The following FAM193A variants were observed in gnomAD, a reference collection of about 807,000 sequenced individuals.
The protein encoded by FAM193A is protein FAM193A.
FAM193A carries 22 observed loss-of-function variants against 126.5 expected under a neutral mutation model. That is an observed-to-expected ratio of 0.17 (90% CI 0.12 to 0.25). The LOEUF (loss-of-function observed/expected upper bound fraction) is 0.25. Ranked by LOEUF, FAM193A falls within the 10% of genes least tolerant of loss-of-function variation. The pLI is 1.00. For synonymous variants in FAM193A, 761 were observed against 646.8 expected (o/e 1.18, Z -2.68); for missense variants, 1,675 against 1,672.8 (o/e 1.00, Z -0.02).
intron 12 of FAM193A, among the ~76,000 whole-genome samples, chr4:2,667,070 T>C (rs1713200643): frequency 6.6e-6 from 1 of 152,254 alleles, no homozygotes; most frequent in Non-Finnish European, 1.5e-5. Context: ...TTGAGACTTG[T>C]TGATGGCCTA....
In FAM193A at chr4:2,689,663, A is replaced by C; in HGVS notation, c.2489A>C (p.Lys830Thr). The stretch of plus-strand genomic sequence containing the variant: ...TGGGGATCAGAAGTGATGAATGATA[A>C]GAACTGGAATCCTGGCACTTTCTTG... ...SLWGSEVMNDKNWNPGTFLPD... is the reference protein window; with the variant it reads ...SLWGSEVMNDTNWNPGTFLPD... The change falls in exon 14 of 21, where the codon AAG becomes ACG. Residue 830 changes from lysine to threonine, a missense_variant. By Grantham distance (78) the Lys-to-Thr change is moderately conservative (BLOSUM62 -1). Coordinates refer to ENST00000637812, the MANE Select transcript of FAM193A (RefSeq NM_001366318.2). The C allele has an allele frequency of 1.9e-6, 3 of 1,575,472 alleles. No individual in the cohort carries two copies. The highest frequency in any genetic ancestry group is 2.6e-6 in the Non-Finnish European group (3 of 1,168,062).
At chr4:2,681,670 C>T (rs756653742) in intron 13 of FAM193A, among the ~76,000 whole-genome samples, 6 of 151,970 alleles carry the variant, frequency 3.9e-5, no homozygotes, top group Non-Finnish European at 8.8e-5. Flanking sequence ...CACCATGTTG[C>T]CCAGGTTGGT....
At chr4:2,652,038 A>G (rs568315056) in intron 7 of FAM193A, among the ~76,000 whole-genome samples, 25 of 152,284 alleles carry the variant, frequency 1.6e-4, no homozygotes, top group Admixed American at 1.6e-3. Flanking sequence ...GGTGACCATG[A>G]GGTCTCATCT....
rs1553912476 is a variant in FAM193A at position 2,699,446 on chromosome 4, C to CACACA, written c.3508-234_3508-233insACACA. On this transcript the variant is annotated intron_variant, in intron 18 of 20. Transcript: ENST00000637812. Reference sequence around the variant, plus strand: ...TTTTTGTTAACTACCACCCCCCCCCCCACACACACACACACAAATAAGTAA... The same window carrying CACACA: ...TTTTTGTTAACTACCACCCCCCCCCCACACACACACACACACACACAAATAAGTAA... 9.1e-4 allele frequency among the ~76,000 whole-genome samples: 94 copies of CACACA among 103,544 alleles called. 5 individuals are homozygous for CACACA. Among genetic ancestry groups the CACACA allele is most frequent in the African/African-American group, 3.0e-3 (85 of 28,690 alleles). 67.9% of individuals were successfully genotyped at this position (103,544 alleles called of 152,430 possible).
At chr4:2,728,276 A>C (rs1349752887) in intron 20 of FAM193A, among the ~76,000 whole-genome samples, 3 of 113,198 alleles carry the variant, frequency 2.7e-5, no homozygotes, top group Admixed American at 1.2e-4. Context: ...TAGAGAAGGC[A>C]TCTCTTTATG....
At chr4:2,540,365 G>A (rs1006496423) in intron 1 of FAM193A, among the ~76,000 whole-genome samples, 2 of 152,178 alleles carry the variant, frequency 1.3e-5, no homozygotes, top group African/African-American at 4.8e-5. Flanking sequence ...CTACTCCGGA[G>A]GCTGAGGCAG....
At chr4:2,570,759 G>A (rs886150909) in intron 1 of FAM193A, among the ~76,000 whole-genome samples, 1 of 152,140 alleles carries the variant, frequency 6.6e-6, no homozygotes, top group African/African-American at 2.4e-5. Context: ...TCAGATCAGG[G>A]CTAGGCTAGT....
rs531347681 is a variant in FAM193A at position 2,679,026 on chromosome 4, C to T, written c.2331+6654C>T. On this transcript the variant is annotated intron_variant, in intron 13 of 20. Coordinates refer to ENST00000637812, the MANE Select transcript of FAM193A (RefSeq NM_001366318.2). Reference sequence around the variant, plus strand: ...TGTTATTTAAGGAAAAGCTTTCATTCGTTCACCATTGTTTGCTGTGGGTTT... The same window carrying T: ...TGTTATTTAAGGAAAAGCTTTCATTTGTTCACCATTGTTTGCTGTGGGTTT... Among the ~76,000 whole-genome samples the T allele has an allele frequency of 1.8e-4, 28 of 152,254 alleles. 1 individual carries two copies. The South Asian group carries it at 5.4e-3, about 29-fold the overall frequency.
At chr4:2,592,120 T>C in intron 1 of FAM193A, among the ~76,000 whole-genome samples, 1 of 152,180 alleles carries the variant, frequency 6.6e-6, no homozygotes, top group South Asian at 2.1e-4. Flanking sequence ...AGATGGAGTA[T>C]TGCTCTGTTT....
At chr4:2,555,272 C>T (rs1560439545) in intron 1 of FAM193A, among the ~76,000 whole-genome samples, 1 of 151,394 alleles carries the variant, frequency 6.6e-6, no homozygotes, top group Non-Finnish European at 1.5e-5. Context: ...AAATCATAGG[C>T]CTCTATATGT....
chr4:2,645,404 C>T (rs16843182), intron 6 of FAM193A, among the ~76,000 whole-genome samples: 4,382 of 152,306 alleles, frequency 0.029, 225 homozygotes, highest in African/African-American at 0.099. Flanking sequence ...CTCCCAATCG[C>T]CATCTTGCTC....
intron 3 of FAM193A, 115 bp downstream of exon 3, chr4:2,625,510 C>A: frequency 1.9e-6 from 1 of 535,834 alleles, no homozygotes; most frequent in South Asian, 2.5e-5. Flanking sequence ...AAGAGTAAGG[C>A]AGTTGCTTCG....
At chr4:2,587,907 T>A (rs1484604318) in intron 1 of FAM193A, among the ~76,000 whole-genome samples, 1 of 151,912 alleles carries the variant, frequency 6.6e-6, no homozygotes. Flanking sequence ...GAGAAAGTGA[T>A]GATATGAGAA....
intron 1 of FAM193A, among the ~76,000 whole-genome samples, chr4:2,554,576 T>C (rs962147735): frequency 1.3e-5 from 2 of 152,216 alleles, no homozygotes; most frequent in African/African-American, 4.8e-5. Flanking sequence ...TTAGATCCAG[T>C]TGGCTGATAG....
intron 19 of FAM193A, among the ~76,000 whole-genome samples, chr4:2,707,951 T>C (rs1217533306): frequency 6.6e-6 from 1 of 152,188 alleles, no homozygotes; most frequent in Non-Finnish European, 1.5e-5. Flanking sequence ...GGTTTTACTA[T>C]GTTGGCCAGG....
At chr4:2,539,196 CTTTA>C (rs1349307433) in intron 1 of FAM193A, among the ~76,000 whole-genome samples, 1 of 152,032 alleles carries the variant, frequency 6.6e-6, no homozygotes, top group Non-Finnish European at 1.5e-5. Flanking sequence ...CCAGCCCTGC[CTTTA>C]TTATTTTTGT....
chr4:2,559,476 T>C (rs558787112), intron 1 of FAM193A, among the ~76,000 whole-genome samples: 1 of 152,310 alleles, frequency 6.6e-6, no homozygotes, highest in East Asian at 1.9e-4. Flanking sequence ...TGTCACCCAG[T>C]CTGGAGTGTA....
chr4:2,537,578 C>T (rs1736963221), intron 1 of FAM193A, among the ~76,000 whole-genome samples: 1 of 152,222 alleles, frequency 6.6e-6, no homozygotes, highest in African/African-American at 2.4e-5. Flanking sequence ...TCTGTCGTGG[C>T]GCCTCGCCCG....
chr4:2,715,695 A>T (rs1378165322), intron 19 of FAM193A, among the ~76,000 whole-genome samples: 1 of 152,182 alleles, frequency 6.6e-6, no homozygotes, highest in Non-Finnish European at 1.5e-5. Flanking sequence ...GATTTCTGGG[A>T]ATCTTCTTGC....
Sources: allele counts gnomAD v4.1 joint callset (sites outside exome capture counted in the v4.1 genomes callset), GRCh38; gene constraint gnomAD v4.1.1; transcripts MANE v1.5; gene names NCBI Gene and HGNC (gene_info 2026-07-23, HGNC 2026-07-21).